Variants in STAU2 observed in about 807,000 individuals in gnomAD.
STAU2 encodes the protein double-stranded RNA-binding protein Staufen homolog 2.
STAU2 carries 20 observed loss-of-function variants against 65.9 expected under a neutral mutation model. The observed-to-expected ratio is 0.30, with a 90% confidence interval of 0.21 to 0.44. STAU2 has a LOEUF of 0.44. Ranked by LOEUF, STAU2 falls within the 20% of genes least tolerant of loss-of-function variation. The pLI is 1.00. For synonymous variants in STAU2, 232 were observed against 233.9 expected (o/e 0.99, Z 0.07); for missense variants, 558 against 683.9 (o/e 0.82, Z 2.05).
intron 12 of STAU2, among the ~76,000 whole-genome samples, chr8:73,553,469 A>C (rs1045396140): frequency 2.6e-5 from 4 of 152,218 alleles, no homozygotes; most frequent in Non-Finnish European, 5.9e-5. Context: ...CATAATACAA[A>C]TGCCTTTTGT....
intron 5 of STAU2, 139 bp downstream of exon 5, chr8:73,688,515 T>TA: frequency 2.7e-6 from 2 of 741,794 alleles, no homozygotes; most frequent in South Asian, 1.7e-5. Context: ...TGTGTGTGTG[T>TA]GTGTGTGTGT....
At chr8:73,662,828 C>G (rs1246720444) in intron 6 of STAU2, among the ~76,000 whole-genome samples, 1 of 152,062 alleles carries the variant, frequency 6.6e-6, no homozygotes, top group Non-Finnish European at 1.5e-5. Flanking sequence ...GTTGGTCAGG[C>G]TGGTCTCGAA....
chr8:73,487,012 T>C (rs1351818097), intron 13 of STAU2, among the ~76,000 whole-genome samples: 6 of 152,052 alleles, frequency 3.9e-5, no homozygotes, highest in Admixed American at 3.3e-4. Flanking sequence ...CTTTTTATAA[T>C]GGCAACAGAA....
At chr8:73,609,117 A>C (rs920388919) in intron 9 of STAU2, among the ~76,000 whole-genome samples, 1 of 152,132 alleles carries the variant, frequency 6.6e-6, no homozygotes, top group Non-Finnish European at 1.5e-5. Context: ...AACTTGAGGC[A>C]CCTGTGAAAT....
chr8:73,657,335 A>G (rs145080709), intron 6 of STAU2, among the ~76,000 whole-genome samples: 5 of 152,360 alleles, frequency 3.3e-5, no homozygotes, highest in East Asian at 3.9e-4. Flanking sequence ...CTAGAAATTA[A>G]TAACAAAATT....
intron 13 of STAU2, among the ~76,000 whole-genome samples, chr8:73,476,617 G>A (rs1820338752): frequency 6.6e-6 from 1 of 152,186 alleles, no homozygotes; most frequent in South Asian, 2.1e-4. Flanking sequence ...AATAGGAAAT[G>A]CAAGATTAAA....
intron 13 of STAU2, among the ~76,000 whole-genome samples, chr8:73,487,744 A>T (rs796333838): frequency 5.3e-5 from 8 of 152,216 alleles, no homozygotes; most frequent in African/African-American, 1.7e-4. Flanking sequence ...CCCAGGACAA[A>T]TTAGCTTAAT....
intron 13 of STAU2, among the ~76,000 whole-genome samples, chr8:73,485,060 T>C (rs891607961): frequency 1.3e-5 from 2 of 151,720 alleles, no homozygotes; most frequent in Admixed American, 1.3e-4. Flanking sequence ...GATTCTATGA[T>C]GCATTCCTCA....
chr8:73,514,941 C>G (rs1822623682), intron 13 of STAU2, among the ~76,000 whole-genome samples: 1 of 152,158 alleles, frequency 6.6e-6, no homozygotes, highest in African/African-American at 2.4e-5. Flanking sequence ...TTCTTAGCAT[C>G]TAGTACAGTG....
At position 73,627,267 on chromosome 8, in the gene STAU2, G is replaced by C. The variant is rs190332131; in HGVS notation, c.411-9816C>G. On this transcript the variant is annotated intron_variant, in intron 6 of 14. Coordinates refer to ENST00000524300, the MANE Select transcript of STAU2 (RefSeq NM_001164380.2). The stretch of plus-strand genomic sequence containing the variant: ...GGTTCCCTGGAGTAGTATTTCTCAA[G>C]TGGGTCCCACATAGAAAACACTGGA... 1.7e-4 allele frequency among the ~76,000 whole-genome samples: 20 copies of C among 120,636 alleles called. No homozygotes were observed. In the East Asian group the frequency reaches 4.3e-3, roughly 26 times the overall value. 79.1% of individuals were successfully genotyped at this position (120,636 alleles called of 152,430 possible). A position where few individuals can be genotyped will look rare whatever the true frequency, so the allele number is the denominator to read the frequency against.
intron 12 of STAU2, chr8:73,561,489 T>C (rs564019310): frequency 8.9e-6 from 4 of 451,378 alleles, no homozygotes; most frequent in East Asian, 1.4e-4. Context: ...ATAAAGATCG[T>C]TCTTCTTGGT....
chr8:73,492,636 C>A (rs756185198), intron 13 of STAU2, among the ~76,000 whole-genome samples: 3 of 151,832 alleles, frequency 2.0e-5, no homozygotes, highest in Non-Finnish European at 4.4e-5. Context: ...TAAAATTCAT[C>A]TTTTGGAAGT....
chr8:73,659,478 A>G (rs1322125559), intron 6 of STAU2, among the ~76,000 whole-genome samples: 1 of 152,216 alleles, frequency 6.6e-6, no homozygotes, highest in African/African-American at 2.4e-5. Flanking sequence ...CGGAGGTTGC[A>G]GTGAGCTGAG....
chr8:73,707,432 C>A (rs1016474091), intron 4 of STAU2, among the ~76,000 whole-genome samples: 2 of 152,074 alleles, frequency 1.3e-5, no homozygotes, highest in African/African-American at 2.4e-5. Context: ...CAGTAGAGAA[C>A]AAGATCACCG....
At chr8:73,534,568 T>C (rs2128934646) in intron 13 of STAU2, among the ~76,000 whole-genome samples, 1 of 152,330 alleles carries the variant, frequency 6.6e-6, no homozygotes, top group South Asian at 2.1e-4. Flanking sequence ...ATGAAAAGTA[T>C]ACAGAACTGT....
intron 5 of STAU2, 43 bp from the exon 6 acceptor site, chr8:73,673,285 T>G (rs769266083): frequency 6.7e-7 from 1 of 1,481,706 alleles, no homozygotes; most frequent in Non-Finnish European, 9.0e-7. Context: ...GTGAAATATC[T>G]TCACAATTAA....
At chr8:73,557,227 C>T (rs13282263) in intron 12 of STAU2, among the ~76,000 whole-genome samples, 121,737 of 152,166 alleles carry the variant, frequency 0.8, 49,051 homozygotes, top group Admixed American at 0.84. Context: ...TCAGGCTCTC[C>T]TATTCTACAG....
chr8:73,500,830 T>C (rs1274603281), intron 13 of STAU2, among the ~76,000 whole-genome samples: 1 of 151,942 alleles, frequency 6.6e-6, no homozygotes, highest in Non-Finnish European at 1.5e-5. Flanking sequence ...TAATGATATT[T>C]TTCCCTTAAA....
chr8:73,482,054 C>T (rs938772359), intron 13 of STAU2, among the ~76,000 whole-genome samples: 2 of 152,026 alleles, frequency 1.3e-5, no homozygotes, highest in South Asian at 2.1e-4. Context: ...CTTTTGGCTG[C>T]GGCTGGTTTA....
Sources: allele counts gnomAD v4.1 joint callset (sites outside exome capture counted in the v4.1 genomes callset), GRCh38; gene constraint gnomAD v4.1.1; transcripts MANE v1.5; gene names NCBI Gene and HGNC (gene_info 2026-07-23, HGNC 2026-07-21).